SPIRE1: variants seen among roughly 807,000 people sequenced by gnomAD.
The protein encoded by SPIRE1 is protein spire homolog 1.
In SPIRE1, 40 loss-of-function variants were observed where a neutral mutation model predicts 94.1. The observed-to-expected ratio is 0.43, with a 90% confidence interval of 0.33 to 0.55. SPIRE1 has a LOEUF of 0.55. SPIRE1 is among the 20% of genes least tolerant of loss of function. SPIRE1 has a pLI of 0.06. For missense variants in SPIRE1, 838 were observed against 975.2 expected (o/e 0.86, Z 1.87); for synonymous variants, 376 against 371.7 (o/e 1.01, Z -0.13).
chr18:12,486,037 T>A, intron 8 of SPIRE1, 37 bp from the exon 9 acceptor site: 2 of 1,488,068 alleles, frequency 1.3e-6, no homozygotes, highest in Non-Finnish European at 9.0e-7. Context: ...AAGAAAATAA[T>A]TCAGCTGTTA....
rs562796122 is a variant in SPIRE1 at position 12,470,136 on chromosome 18, G to A, written c.1405-5178C>T. On this transcript the variant is annotated intron_variant, in intron 10 of 16. Coordinates refer to ENST00000409402, the MANE Select transcript of SPIRE1 (RefSeq NM_001128626.2). ...TTTAAAAAACATTTGTTGTAGAGAC[G>A]GGGTCTCACTATGTTGCCCAGGCTG... 5.3e-4 allele frequency among the ~76,000 whole-genome samples: 81 copies of A among 151,520 alleles called. 1 individual carries two copies. The highest frequency in any genetic ancestry group is 1.9e-3 in the African/African-American group (79 of 41,312).
chr18:12,598,570 C>T (rs755225829), intron 2 of SPIRE1, among the ~76,000 whole-genome samples: 1 of 151,928 alleles, frequency 6.6e-6, no homozygotes, highest in African/African-American at 2.4e-5. Flanking sequence ...GGATTATTCT[C>T]GAGACTTTTC....
At chr18:12,638,500 C>G (rs2037997165) in intron 1 of SPIRE1, among the ~76,000 whole-genome samples, 1 of 152,138 alleles carries the variant, frequency 6.6e-6, no homozygotes, top group Admixed American at 6.6e-5. Context: ...CTCAAGGAGT[C>G]AAATGAGTTG....
intron 1 of SPIRE1, among the ~76,000 whole-genome samples, chr18:12,644,427 C>T (rs924338231): frequency 3.0e-4 from 46 of 152,154 alleles, no homozygotes; most frequent in African/African-American, 1.1e-3. Flanking sequence ...AATAAGCCCT[C>T]CTATACTCCC....
At chr18:12,487,789 A>G (rs769217198) in intron 8 of SPIRE1, among the ~76,000 whole-genome samples, 9 of 152,216 alleles carry the variant, frequency 5.9e-5, no homozygotes, top group East Asian at 1.9e-4. Flanking sequence ...TATACTTTAA[A>G]TGAGTGAATT....
chr18:12,553,133 AC>A (rs1441036863), intron 2 of SPIRE1, among the ~76,000 whole-genome samples: 2 of 152,074 alleles, frequency 1.3e-5, no homozygotes, highest in African/African-American at 4.8e-5. Context: ...TTCAGGTGAG[AC>A]CCAGCCCCTT....
chr18:12,464,662 A>G (rs988756584), intron 11 of SPIRE1, among the ~76,000 whole-genome samples: 10 of 152,204 alleles, frequency 6.6e-5, no homozygotes, highest in African/African-American at 2.4e-4. Context: ...TCGTAAACAC[A>G]CATGTGCCTG....
rs141153429 is a variant in SPIRE1 at position 12,594,469 on chromosome 18, C to T, written c.372+40593G>A. On this transcript the variant is annotated intron_variant, in intron 2 of 16. Coordinates refer to ENST00000409402, the MANE Select transcript of SPIRE1 (RefSeq NM_001128626.2). ...ACAAGTATTTATTGATAATCTGTTACTGTACTAAGCTAGGTAGTTGAAAAA... is the reference window on the plus strand; with the variant it reads ...ACAAGTATTTATTGATAATCTGTTATTGTACTAAGCTAGGTAGTTGAAAAA... Among the ~76,000 whole-genome samples the T allele has an allele frequency of 2.4e-3, 366 of 152,244 alleles. 3 individuals carry two copies. The highest frequency in any genetic ancestry group is 0.014 in the South Asian group (69 of 4,830).
At chr18:12,612,605 C>T (rs2144692367) in intron 2 of SPIRE1, among the ~76,000 whole-genome samples, 1 of 152,288 alleles carries the variant, frequency 6.6e-6, no homozygotes, top group Non-Finnish European at 1.5e-5. Flanking sequence ...CAAGATCTAC[C>T]AAATCAGAAT....
chr18:12,461,998 A>G (rs996212034), intron 12 of SPIRE1, among the ~76,000 whole-genome samples: 1 of 152,220 alleles, frequency 6.6e-6, no homozygotes, highest in Non-Finnish European at 1.5e-5. Context: ...ACTTATTCAC[A>G]TGAAAACAAA....
chr18:12,449,890 G>A lies in SPIRE1; in HGVS notation c.2019C>T (p.Ser673=), dbSNP rs531826049. 6.2e-7 allele frequency: 1 copy of A among 1,613,858 alleles called. No homozygotes were observed. The highest frequency in any genetic ancestry group is 1.7e-5 in the Admixed American group (1 of 60,004). Reference sequence around the variant, plus strand: ...ATTTGTCCATAGACTTAGATTTTGAGGAGAACCTGGGGTGAAAACAAAACA... The same window carrying A: ...ATTTGTCCATAGACTTAGATTTTGAAGAGAACCTGGGGTGAAAACAAAACA... ...HRPLRSIARF[S]SKSKSMDKSD... The change falls in exon 17 of 17, where the codon TCC becomes TCT. Residue 673 remains serine, a synonymous_variant. Coordinates refer to ENST00000409402, the MANE Select transcript of SPIRE1 (RefSeq NM_001128626.2).
At chr18:12,589,024 A>G (rs2036460904) in intron 2 of SPIRE1, among the ~76,000 whole-genome samples, 3 of 152,194 alleles carry the variant, frequency 2.0e-5, no homozygotes, top group Non-Finnish European at 4.4e-5. Context: ...ACATACAGAG[A>G]TAGAAAGAAT....
intron 2 of SPIRE1, among the ~76,000 whole-genome samples, chr18:12,627,914 T>C (rs901038829): frequency 7.9e-6 from 1 of 126,234 alleles, no homozygotes; most frequent in Non-Finnish European, 1.8e-5. Context: ...GTTTTTTTCT[T>C]GTAAATTTGT....
chr18:12,450,045 CTTA>C, intron 16 of SPIRE1, 149 bp from the exon 17 acceptor site: 1 of 882,062 alleles, frequency 1.1e-6, no homozygotes, highest in Non-Finnish European at 1.7e-6. Flanking sequence ...AAAAAAATTT[CTTA>C]TTGGTGACAA....
intron 2 of SPIRE1, among the ~76,000 whole-genome samples, chr18:12,592,007 TG>T (rs1274249791): frequency 1.4e-5 from 2 of 147,888 alleles, no homozygotes; most frequent in Non-Finnish European, 3.0e-5. Flanking sequence ...AGAATAGGTT[TG>T]GGGGGAAAAA....
rs145475969 is a variant in SPIRE1 at position 12,641,860 on chromosome 18, T to C, written c.338-6764A>G. Reference sequence around the variant, plus strand: ...TTTTTTTTTTTTTTTTGAGATGGAGTCTTGCTCTGTCGCCCAGGCTGGAGT... The same window carrying C: ...TTTTTTTTTTTTTTTTGAGATGGAGCCTTGCTCTGTCGCCCAGGCTGGAGT... On this transcript the variant is annotated intron_variant, in intron 1 of 16. Coordinates refer to ENST00000409402, the MANE Select transcript of SPIRE1 (RefSeq NM_001128626.2). 4.8e-3 allele frequency among the ~76,000 whole-genome samples: 651 copies of C among 136,548 alleles called. 3 individuals are homozygous for C. The highest frequency in any genetic ancestry group is 0.012 in the Middle Eastern group (3 of 250). The allele number at this position is 136,548 out of a possible 152,430, so 89.6% of individuals were successfully genotyped here. A position where few individuals can be genotyped will look rare whatever the true frequency, so the allele number is the denominator to read the frequency against.
chr18:12,596,998 A>G (rs2144616393), intron 2 of SPIRE1, among the ~76,000 whole-genome samples: 1 of 152,158 alleles, frequency 6.6e-6, no homozygotes, highest in East Asian at 1.9e-4. Context: ...TGCTCCAGTC[A>G]CCACTGCCCT....
At chr18:12,514,269 C>T (rs369622419) in intron 4 of SPIRE1, among the ~76,000 whole-genome samples, 2 of 152,144 alleles carry the variant, frequency 1.3e-5, no homozygotes, top group East Asian at 1.9e-4. Context: ...CTTGTGCAAA[C>T]GTCACCTTCT....
At chr18:12,552,459 AAGAC>A (rs1722717620) in intron 2 of SPIRE1, among the ~76,000 whole-genome samples, 1 of 152,148 alleles carries the variant, frequency 6.6e-6, no homozygotes, top group Admixed American at 6.5e-5. Flanking sequence ...CAGCCACAGT[AAGAC>A]AGAATAAGGG....
Sources: allele counts gnomAD v4.1 joint callset (sites outside exome capture counted in the v4.1 genomes callset), GRCh38; gene constraint gnomAD v4.1.1; transcripts MANE v1.5; gene names NCBI Gene and HGNC (gene_info 2026-07-23, HGNC 2026-07-21).